The following LGSN variants were observed in gnomAD, a reference collection of about 807,000 sequenced individuals.
The protein encoded by LGSN is lengsin.
LGSN carries 21 observed loss-of-function variants against 19.5 expected under a neutral mutation model. The ratio of observed to expected loss-of-function variants is 1.07; its 90% CI spans 0.76 to 1.55. LGSN has a LOEUF of 1.55. LGSN is among the 40% of genes most tolerant of loss of function. LGSN has a pLI of 0.00. For synonymous variants in LGSN, 257 were observed against 215.6 expected (o/e 1.19, Z -1.68); for missense variants, 673 against 608.5 (o/e 1.11, Z -1.12).
chr6:63,477,362 C>A, the LGSN span, among the ~76,000 whole-genome samples: 1 of 152,068 alleles, frequency 6.6e-6, no homozygotes, highest in Admixed American at 6.6e-5. Context: ...TTCTTTTGTT[C>A]TATGTAAAAA....
At chr6:63,372,367 A>T in the LGSN span, among the ~76,000 whole-genome samples, 3 of 152,190 alleles carry the variant, frequency 2.0e-5, no homozygotes, top group Non-Finnish European at 4.4e-5. Context: ...ACCCACAAAA[A>T]TCCAAATATG....
At chr6:63,485,882 C>A in the LGSN span, among the ~76,000 whole-genome samples, 2 of 152,192 alleles carry the variant, frequency 1.3e-5, no homozygotes, top group Non-Finnish European at 2.9e-5. Context: ...ACACGCACCA[C>A]CATGCCCAGC....
chr6:63,281,273 C>G, intron 3 of LGSN, 53 bp from the exon 4 acceptor site: 2 of 1,251,116 alleles, frequency 1.6e-6, no homozygotes, highest in Non-Finnish European at 2.0e-6. Flanking sequence ...ACAAAAGGGT[C>G]GGGGGGCGGC....
At chr6:63,534,161 TG>T in the LGSN span, among the ~76,000 whole-genome samples, 1 of 152,194 alleles carries the variant, frequency 6.6e-6, no homozygotes, top group East Asian at 1.9e-4. Context: ...ATTTTTTTAA[TG>T]TGGAAACTGC....
At chr6:63,393,996 G>A in the LGSN span, among the ~76,000 whole-genome samples, 7 of 152,118 alleles carry the variant, frequency 4.6e-5, no homozygotes, top group Admixed American at 3.3e-4. Flanking sequence ...AACTGGGCGC[G>A]GTGGCTCACA....
At chr6:63,464,860 A>G in the LGSN span, among the ~76,000 whole-genome samples, 8 of 151,682 alleles carry the variant, frequency 5.3e-5, no homozygotes, top group African/African-American at 1.7e-4. Context: ...AACCCTATCT[A>G]TTGAAACAAC....
the LGSN span, among the ~76,000 whole-genome samples, chr6:63,404,915 A>G: frequency 6.6e-6 from 1 of 151,130 alleles, no homozygotes; most frequent in Non-Finnish European, 1.5e-5. Flanking sequence ...CTAACTCATC[A>G]CCTATCATTA....
At chr6:63,547,270 A>G in the LGSN span, among the ~76,000 whole-genome samples, 1 of 150,774 alleles carries the variant, frequency 6.6e-6, no homozygotes, top group Admixed American at 6.6e-5. Context: ...GCACACTGCA[A>G]CCTGCGCCTC....
At chr6:63,340,420 G>C in the LGSN span, among the ~76,000 whole-genome samples, 2 of 151,966 alleles carry the variant, frequency 1.3e-5, no homozygotes, top group Admixed American at 1.3e-4. Context: ...TCCACCTTTT[G>C]GTGTCCTACA....
chr6:63,482,207 T>C, the LGSN span, among the ~76,000 whole-genome samples: 2 of 152,184 alleles, frequency 1.3e-5, no homozygotes, highest in Non-Finnish European at 2.9e-5. Context: ...TATACACATG[T>C]TGGATGTAAG....
At chr6:63,458,277 G>C in the LGSN span, among the ~76,000 whole-genome samples, 1 of 152,080 alleles carries the variant, frequency 6.6e-6, no homozygotes, top group Non-Finnish European at 1.5e-5. Flanking sequence ...ATGTTAGTCA[G>C]GCTGGTCTCG....
the LGSN span, among the ~76,000 whole-genome samples, chr6:63,331,409 T>C: frequency 0.016 from 2,458 of 152,258 alleles, 70 homozygotes; most frequent in African/African-American, 0.056. Context: ...CAAGCCGTAG[T>C]GCAGAAAAAA....
the LGSN span, among the ~76,000 whole-genome samples, chr6:63,528,996 A>G: frequency 6.6e-6 from 1 of 151,436 alleles, no homozygotes; most frequent in East Asian, 1.9e-4. Context: ...GGCTGAGGCA[A>G]GAGAATCACT....
At chr6:63,501,117 G>T in the LGSN span, among the ~76,000 whole-genome samples, 1 of 152,130 alleles carries the variant, frequency 6.6e-6, no homozygotes, top group East Asian at 1.9e-4. Context: ...CATGCCTATA[G>T]TCCCAGCACT....
chr6:63,366,831 C>T, the LGSN span, among the ~76,000 whole-genome samples: 15 of 150,818 alleles, frequency 9.9e-5, no homozygotes, highest in African/African-American at 3.7e-4. Context: ...CGAAAACAAG[C>T]AATGGGGAAA....
chr6:63,539,970 G>C, the LGSN span, among the ~76,000 whole-genome samples: 1 of 152,178 alleles, frequency 6.6e-6, no homozygotes, highest in African/African-American at 2.4e-5. Flanking sequence ...GGAGGGTTTG[G>C]GGGTGGGAGT....
chr6:63,503,195 A>G, the LGSN span, among the ~76,000 whole-genome samples: 3 of 152,176 alleles, frequency 2.0e-5, no homozygotes, highest in South Asian at 6.2e-4. Flanking sequence ...ATGGTCTCAT[A>G]CTGTTTACCT....
At chr6:63,514,332 A>G in the LGSN span, among the ~76,000 whole-genome samples, 1 of 152,102 alleles carries the variant, frequency 6.6e-6, no homozygotes, top group African/African-American at 2.4e-5. Context: ...GGTTCAAGTG[A>G]TCCTCCTGCC....
At position 63,281,097 on chromosome 6, in the gene LGSN, C is replaced by G. The variant is rs1767292097; in HGVS notation, c.454G>C (p.Glu152Gln). The G allele has an allele frequency of 1.2e-6, 2 of 1,613,802 alleles. No homozygotes were observed. Among genetic ancestry groups the G allele is most frequent in the African/African-American group, 1.3e-5 (1 of 74,842 alleles). ...CFNSDIVLMP[E>Q]LSTFRVLPWA... ...GGCAAAACTCTAAAGGTTGATAACT[C>G]TGGCATTAGGACTATGTCGCTATTA... is the stretch of plus-strand genomic sequence containing the variant. Residue 152 changes from glutamate to glutamine, a missense_variant, in exon 4 of 4, where the codon GAG becomes CAG. Coordinates refer to ENST00000370657, the MANE Select transcript of LGSN (RefSeq NM_016571.3).
Sources: gnomAD v4.1 joint callset for allele counts (sites outside exome capture counted in the v4.1 genomes callset) on GRCh38, gnomAD v4.1.1 for gene constraint, MANE v1.5 for transcripts, NCBI Gene and HGNC (gene_info 2026-07-23, HGNC 2026-07-21) for gene names.